The following PCDHGA4 variants were observed in gnomAD, a reference collection of about 807,000 sequenced individuals.
The protein encoded by PCDHGA4 is protocadherin gamma subfamily A, 4.
In PCDHGA4, 38 loss-of-function variants were observed where a neutral mutation model predicts 54.6. The observed-to-expected ratio is 0.70, with a 90% CI of 0.54 to 0.91. PCDHGA4 has a LOEUF of 0.91. Ranked by LOEUF, PCDHGA4 falls within the 40% of genes least tolerant of loss-of-function variation. The probability of loss-of-function intolerance (pLI) is 0.00; values close to 1 mark genes in which losing one functional copy is unlikely to be tolerated. For synonymous variants in PCDHGA4, 511 were observed against 512.9 expected (o/e 1.00, Z 0.05); for missense variants, 1,298 against 1,220.9 (o/e 1.06, Z -0.94).
chr5:141,468,330 C>CAAAAAAAAAAA (rs533390277), intron 1 of PCDHGA4: 4 of 79,798 alleles, frequency 5.0e-5, no homozygotes, highest in Non-Finnish European at 1.1e-4. Flanking sequence ...AACTCCATCT[C>CAAAAAAAAAAA]AAAAAAAAAA....
Position 141,384,133 on chromosome 5 carries a change from C to T in PCDHGA4, c.2514+26512C>T, listed in dbSNP as rs770731491. 9.3e-6 allele frequency: 15 copies of T among 1,611,570 alleles called. No individual in the cohort carries two copies. Among genetic ancestry groups the T allele is most frequent in the Admixed American group, 1.7e-5 (1 of 59,646 alleles). On this transcript the variant is annotated intron_variant, in intron 1 of 3. Coordinates refer to ENST00000571252, the MANE Select transcript of PCDHGA4 (RefSeq NM_018917.4). ...ATTGGTCACAACCAAAAACTTGGAC[C>T]GGGAAACACTCTCTTTGTATAACAT... is the stretch of plus-strand genomic sequence containing the variant.
intron 1 of PCDHGA4, chr5:141,405,162 C>T: frequency 6.2e-7 from 1 of 1,614,098 alleles, no homozygotes; most frequent in Non-Finnish European, 8.5e-7. Flanking sequence ...GGTGTGCCCA[C>T]CTCACACTTT....
intron 1 of PCDHGA4, chr5:141,414,883 G>T: frequency 6.2e-7 from 1 of 1,614,176 alleles, no homozygotes; most frequent in Non-Finnish European, 8.5e-7. Context: ...CCTGTACCCC[G>T]CCCTCCCCAC....
chr5:141,489,913 A>G lies in PCDHGA4; in HGVS notation c.2515-4894A>G. 1 of 1,614,208 alleles carries G rather than the reference A, an allele frequency of 6.2e-7. No homozygotes were observed. Among genetic ancestry groups the G allele is most frequent in the Non-Finnish European group, 8.5e-7 (1 of 1,180,044 alleles). Reference sequence around the variant, plus strand: ...TGGGGGGACCCCAGCCCGCTCAGGGACCACCCTTATCTCTGTCATCGTGCT... The same window carrying G: ...TGGGGGGACCCCAGCCCGCTCAGGGGCCACCCTTATCTCTGTCATCGTGCT... On this transcript the variant is annotated intron_variant, in intron 1 of 3. Transcript: ENST00000571252. The surrounding 1 kb of genome is among the most constrained non-coding windows in gnomAD (Gnocchi z 4.5).
rs770808281 is a variant in PCDHGA4, at chr5:141,375,056, C to T, written c.2514+17435C>T. The T allele has an allele frequency of 1.9e-6, 3 of 1,613,848 alleles. No individual in the cohort carries two copies. The East Asian group carries it at 6.7e-5, about 36-fold the overall frequency. On this transcript the variant is annotated intron_variant, in intron 1 of 3. Transcript: ENST00000571252. ...GCTGGGTGTTGAAGCCCGGGATGGG[C>T]CAGGTCTTCGAGACAGAGCGAAAGT...
chr5:141,413,014 A>T, intron 1 of PCDHGA4: 1 of 663,842 alleles, frequency 1.5e-6, no homozygotes, highest in Non-Finnish European at 2.4e-6. Context: ...CTTCAACTAC[A>T]CAAGCCCCAC....
At chr5:141,450,826 A>C (rs965147554) in intron 1 of PCDHGA4, among the ~76,000 whole-genome samples, 1 of 134,302 alleles carries the variant, frequency 7.4e-6, no homozygotes, top group African/African-American at 2.9e-5. Context: ...TATTATTATT[A>C]TTATTTTTTT....
chr5:141,376,868 T>G, intron 1 of PCDHGA4: 1 of 220,664 alleles, frequency 4.5e-6, no homozygotes, highest in East Asian at 1.2e-4. Flanking sequence ...TTTGTATTTT[T>G]AGTAGAGACG....
At position 141,477,830 on chromosome 5, in the gene PCDHGA4, C is replaced by T; in HGVS notation, c.2515-16977C>T. ...TGCCCCCCAGGTCCTATATCCTCGG[C>T]CAGGTGGGAGCTCGGTGGAGATGCT... is the stretch of plus-strand genomic sequence containing the variant. On this transcript the variant is annotated intron_variant, in intron 1 of 3. Transcript: ENST00000571252. The surrounding 1 kb of genome is among the most constrained non-coding windows in gnomAD (Gnocchi z 4.9). 1 of 1,614,170 alleles carries T rather than the reference C, an allele frequency of 6.2e-7. No individual in the cohort carries two copies. Among genetic ancestry groups the T allele is most frequent in the Non-Finnish European group, 8.5e-7 (1 of 1,180,038 alleles).
At chr5:141,382,207 A>G (rs1042631528) in intron 1 of PCDHGA4, among the ~76,000 whole-genome samples, 1 of 152,206 alleles carries the variant, frequency 6.6e-6, no homozygotes, top group Admixed American at 6.5e-5. Context: ...ATTTATTAAA[A>G]TAGGTCTATA....
intron 1 of PCDHGA4, chr5:141,423,023 C>G (rs1410040994): frequency 6.2e-7 from 1 of 1,614,222 alleles, no homozygotes; most frequent in Non-Finnish European, 8.5e-7. Context: ...GACAAAGATT[C>G]AGGCCAGAAC....
At position 141,476,409 on chromosome 5, in the gene PCDHGA4, G is replaced by A. The variant is rs1226666958; in HGVS notation, c.2515-18398G>A. The A allele has an allele frequency of 6.2e-7, 1 of 1,614,154 alleles. No homozygotes were observed. The highest frequency in any genetic ancestry group is 1.7e-5 in the Admixed American group (1 of 60,030). ...GACCGTCTGGATCGAGAGGAGCTGT[G>A]TGGGACACTGCCCTCTTGCACTGTA... is the stretch of plus-strand genomic sequence containing the variant. On this transcript the variant is annotated intron_variant, in intron 1 of 3. Coordinates refer to ENST00000571252, the MANE Select transcript of PCDHGA4 (RefSeq NM_018917.4). The surrounding 1 kb of genome is among the most constrained non-coding windows in gnomAD (Gnocchi z 7.6).
At chr5:141,430,979 C>A (rs370494413) in intron 1 of PCDHGA4, 2 of 1,613,642 alleles carry the variant, frequency 1.2e-6, no homozygotes, top group Non-Finnish European at 1.7e-6. Context: ...TAGGACGCAG[C>A]TTTTCGCCCT....
At chr5:141,419,762 A>G in intron 1 of PCDHGA4, 1 of 1,614,008 alleles carries the variant, frequency 6.2e-7, no homozygotes, top group Non-Finnish European at 8.5e-7. Context: ...TTTGGGTGAC[A>G]AGGACTCGGT....
Position 141,490,820 on chromosome 5 carries a change from T to G in PCDHGA4, c.2515-3987T>G. On this transcript the variant is annotated intron_variant, in intron 1 of 3. Transcript: ENST00000571252. The surrounding 1 kb of genome is among the most constrained non-coding windows in gnomAD (Gnocchi z 5.4). ...CAGCGTACCTTTGACTATGAATTGC[T>G]GCAGATGCTGCAGATTGTGGTGGGG... 6.2e-7 allele frequency: 1 copy of G among 1,613,820 alleles called. No homozygotes were observed. Among genetic ancestry groups the G allele is most frequent in the Non-Finnish European group, 8.5e-7 (1 of 1,179,768 alleles).
intron 1 of PCDHGA4, chr5:141,409,822 C>A (rs983633484): frequency 6.2e-6 from 10 of 1,610,868 alleles, no homozygotes; most frequent in Non-Finnish European, 6.8e-6. Flanking sequence ...ACGGCTCGCC[C>A]ACGCTCAGCG....
chr5:141,357,483 G>T lies in PCDHGA4; in HGVS notation c.2376G>T (p.Ala792=), dbSNP rs368424779. 6 of 1,614,194 alleles carry T rather than the reference G, an allele frequency of 3.7e-6. No individual in the cohort carries two copies. Among genetic ancestry groups the T allele is most frequent in the Admixed American group, 1.7e-5 (1 of 60,034 alleles). Residue 792 remains alanine (A), a synonymous_variant, in exon 1 of 4, where the codon GCG becomes GCT. Transcript: ENST00000571252. ...ATTCCCACGAGGTCTCCCTCACCGC[G>T]GACTCGCGGAAGAGTCACCTGATCT... is the stretch of plus-strand genomic sequence containing the variant. ...QTYSHEVSLT[A]DSRKSHLIFS...
chr5:141,370,865 G>A lies in PCDHGA4; in HGVS notation c.2514+13244G>A, dbSNP rs749306291. The A allele has an allele frequency of 1.2e-5, 19 of 1,613,886 alleles. 1 individual carries two copies. The South Asian group carries it at 1.9e-4, about 16-fold the overall frequency. ...GAGCCACATTTGCCCTGGAATCTGC[G>A]CAAGATCCTGATGTAGGTGTCAATT... On this transcript the variant is annotated intron_variant, in intron 1 of 3. Transcript: ENST00000571252.
intron 1 of PCDHGA4, chr5:141,422,871 G>T (rs769543752): frequency 3.7e-6 from 6 of 1,614,098 alleles, no homozygotes; most frequent in Non-Finnish European, 5.1e-6. Context: ...GCAACGTGTC[G>T]CTGAGCCTGT....
Sources: gnomAD v4.1 joint callset for allele counts (sites outside exome capture counted in the v4.1 genomes callset) on GRCh38, gnomAD v4.1.1 for gene constraint, Gnocchi (gnomAD v3.1) non-coding constraint, MANE v1.5 for transcripts, NCBI Gene and HGNC (gene_info 2026-07-23, HGNC 2026-07-21) for gene names.